SGCD: variants seen among roughly 807,000 people sequenced by gnomAD.
SGCD encodes the protein sarcoglycan delta, also known as delta-sarcoglycan.
A neutral mutation model predicts 36.6 loss-of-function variants in SGCD; 18 were observed. That is an observed-to-expected ratio of 0.49 (90% CI 0.34 to 0.73). The LOEUF (loss-of-function observed/expected upper bound fraction) is 0.73. Among genes scored for constraint, SGCD ranks in the 30% least tolerant of loss-of-function variants. The probability of loss-of-function intolerance (pLI) is 0.01; values close to 1 mark genes in which losing one functional copy is unlikely to be tolerated. For synonymous variants in SGCD, 133 were observed against 130.6 expected, an observed-to-expected ratio of 1.02 and a Z score of -0.12; for missense variants, 387 against 346.7, an observed-to-expected ratio of 1.12 and a Z score of -0.92.
At chr5:155,809,254 G>A in the SGCD span, among the ~76,000 whole-genome samples, 2 of 152,190 alleles carry the variant, frequency 1.3e-5, no homozygotes, top group Non-Finnish European at 2.9e-5. Flanking sequence ...GCATTTTTGG[G>A]AATTGAGTGG....
chr5:156,008,218 T>C (rs542622021), intron 1 of SGCD, among the ~76,000 whole-genome samples: 1 of 152,216 alleles, frequency 6.6e-6, no homozygotes, highest in Admixed American at 6.5e-5. Context: ...GTTGGCAGGG[T>C]TATGCTGCTC....
rs575982754 is a variant in SGCD, at chr5:156,308,588, G to A, written c.-43-20946G>A. On this transcript the variant is annotated intron_variant, in intron 3 of 9. Coordinates refer to the SGCD transcript ENST00000517913. ...GCTAGGATTACGGGCATGAGCCACCGCACCTGGCCAGAAGTGCCATACTTT... is the reference window on the plus strand; with the variant it reads ...GCTAGGATTACGGGCATGAGCCACCACACCTGGCCAGAAGTGCCATACTTT... 2.8e-4 allele frequency among the ~76,000 whole-genome samples: 42 copies of A among 152,224 alleles called. No individual in the cohort carries two copies. In the South Asian group the frequency reaches 8.1e-3, roughly 29 times the overall value.
At chr5:155,760,310 C>CAT in the SGCD span, among the ~76,000 whole-genome samples, 1 of 4,096 alleles carries the variant, frequency 2.4e-4, no homozygotes, top group East Asian at 9.8e-3. Flanking sequence ...TCTCCATCAT[C>CAT]CTCATCATCA....
chr5:156,487,590 C>T (rs1393087691), intron 3 of SGCD, among the ~76,000 whole-genome samples: 1 of 151,388 alleles, frequency 6.6e-6, no homozygotes, highest in African/African-American at 2.4e-5. Flanking sequence ...AAGTTCAAGA[C>T]CAGCCTGACC....
chr5:155,930,120 C>A (rs1027309321), intron 1 of SGCD, among the ~76,000 whole-genome samples: 1 of 152,142 alleles, frequency 6.6e-6, no homozygotes, highest in Non-Finnish European at 1.5e-5. Context: ...ACTCTCCACC[C>A]CTCTTGCCAA....
At chr5:156,362,372 A>G (rs2014026) in intron 3 of SGCD, among the ~76,000 whole-genome samples, 114,130 of 152,190 alleles carry the variant, frequency 0.75, 43,044 homozygotes, top group East Asian at 0.85. Flanking sequence ...CGAGGCTGGC[A>G]CGTGGTGGCT....
At chr5:156,234,628 C>T (rs1765109691) in intron 3 of SGCD, among the ~76,000 whole-genome samples, 1 of 152,174 alleles carries the variant, frequency 6.6e-6, no homozygotes, top group Non-Finnish European at 1.5e-5. Flanking sequence ...GAATCAAAAT[C>T]ACAGCACTCG....
At chr5:155,947,292 CTTGTGTGTGTGTGTGTGTGT>C (rs1003419996) in intron 1 of SGCD, among the ~76,000 whole-genome samples, 1 of 105,400 alleles carries the variant, frequency 9.5e-6, no homozygotes, top group African/African-American at 3.8e-5. Context: ...CATAAATACT[CTTGTGTGTGTGTGTGTGTGT>C]GTGTGTGTGT....
At chr5:156,221,116 G>A (rs554627102) in intron 3 of SGCD, among the ~76,000 whole-genome samples, 81 of 152,172 alleles carry the variant, frequency 5.3e-4, no homozygotes, top group African/African-American at 1.8e-3. Flanking sequence ...GCTGTAATAG[G>A]TACATTCACA....
intron 1 of SGCD, among the ~76,000 whole-genome samples, chr5:156,086,907 G>A (rs1443021969): frequency 6.6e-6 from 1 of 152,166 alleles, no homozygotes; most frequent in East Asian, 1.9e-4. Context: ...ATGCATTCTG[G>A]CTACTTCCTG....
intron 3 of SGCD, among the ~76,000 whole-genome samples, chr5:156,357,457 T>A (rs1769548369): frequency 6.6e-6 from 1 of 152,208 alleles, no homozygotes; most frequent in African/African-American, 2.4e-5. Flanking sequence ...TTGTATAATG[T>A]TCAGTGGCAA....
intron 7 of SGCD, among the ~76,000 whole-genome samples, chr5:156,670,770 A>G (rs1753255342): frequency 6.6e-6 from 1 of 152,192 alleles, no homozygotes; most frequent in Admixed American, 6.5e-5. Context: ...CTCAGGGAAA[A>G]CTAGATAAGC....
chr5:156,562,724 C>T (rs149403318), intron 4 of SGCD, among the ~76,000 whole-genome samples: 4 of 151,836 alleles, frequency 2.6e-5, no homozygotes, highest in East Asian at 1.9e-4. Flanking sequence ...AGGTAACAGG[C>T]GATGGTGGTC....
In SGCD at chr5:156,186,417, A is replaced by G. The variant is rs538305746; in HGVS notation, c.-44+62398A>G. Among the ~76,000 whole-genome samples the G allele has an allele frequency of 7.9e-5, 12 of 152,310 alleles. No homozygotes were observed. The South Asian group carries it at 2.3e-3, about 29-fold the overall frequency. ...AATCATCCTTCATCCCTACCGTTCA[A>G]GTACAGCTTTCTCTCATATCTTCTA... On this transcript the variant is annotated intron_variant, in intron 3 of 9. Transcript: ENST00000517913.
chr5:156,521,491 C>G (rs1441524880), intron 4 of SGCD, among the ~76,000 whole-genome samples: 1 of 152,112 alleles, frequency 6.6e-6, no homozygotes, highest in Non-Finnish European at 1.5e-5. Context: ...CTACAAGAAA[C>G]TTAAACAAAT....
rs776813977 is a variant in SGCD at position 156,757,582 on chromosome 5, T to C, written c.577T>C (p.Leu193=). The C allele has an allele frequency of 2.5e-6, 4 of 1,595,162 alleles. 1 individual carries two copies. Among genetic ancestry groups the C allele is most frequent in the Non-Finnish European group, 1.7e-6 (2 of 1,169,372 alleles). The change falls in exon 8 of 9, where the codon TTG becomes CTG. Residue 193 remains leucine, a splice_region_variant and synonymous_variant. Coordinates refer to ENST00000337851, the MANE Select transcript of SGCD (RefSeq NM_000337.6). ...TTGACGATCTTGGGTGTTTTTCAGG[T>C]TGGAGTCCCCAACCCGGTCTCTAGT... ...VRADPFKELR[L]ESPTRSLVME... is the part of the protein sequence containing the mutation.
At chr5:156,394,194 T>C (rs1771733177) in intron 3 of SGCD, among the ~76,000 whole-genome samples, 1 of 152,108 alleles carries the variant, frequency 6.6e-6, no homozygotes, top group Admixed American at 6.5e-5. Context: ...AAGCTTTGTT[T>C]GGGGGGTGGT....
chr5:156,591,500 G>A (rs189887513), intron 5 of SGCD, among the ~76,000 whole-genome samples: 1 of 152,318 alleles, frequency 6.6e-6, no homozygotes, highest in East Asian at 1.9e-4. Context: ...GCTTTGGACA[G>A]CATCATGAGG....
intron 1 of SGCD, among the ~76,000 whole-genome samples, chr5:155,900,798 T>G (rs569108076): frequency 1.3e-5 from 2 of 152,130 alleles, no homozygotes; most frequent in African/African-American, 2.4e-5. Context: ...TACATTTTTA[T>G]TATTCAATAA....
Sources: gnomAD v4.1 joint callset for allele counts (sites outside exome capture counted in the v4.1 genomes callset) on GRCh38, gnomAD v4.1.1 for gene constraint, MANE v1.5 for transcripts, NCBI Gene and HGNC (gene_info 2026-07-23, HGNC 2026-07-21) for gene names.